FANCC: variants seen among roughly 807,000 people sequenced by gnomAD.
FANCC encodes the protein FA complementation group C.
Under a neutral mutation model 71.3 loss-of-function variants are expected in FANCC, and 55 were observed. The observed-to-expected ratio is 0.77, with a 90% CI of 0.62 to 0.97. The LOEUF (loss-of-function observed/expected upper bound fraction) is 0.97, where lower values mean the gene tolerates loss of function less well. FANCC is among the 50% of genes least tolerant of loss of function. The probability of loss-of-function intolerance (pLI) is 0.00; values close to 1 mark genes in which losing one functional copy is unlikely to be tolerated. For missense variants in FANCC, 678 were observed against 670.9 expected, an observed-to-expected ratio of 1.01 and a Z score of -0.12; for synonymous variants, 275 against 244.9, an observed-to-expected ratio of 1.12 and a Z score of -1.15.
chr9:95,165,304 GT>G (rs1831004046), intron 6 of FANCC, among the ~76,000 whole-genome samples: 1 of 150,588 alleles, frequency 6.6e-6, no homozygotes, highest in African/African-American at 2.4e-5. Flanking sequence ...GGTTTAGTTT[GT>G]TCTTTTTCTA....
intron 1 of FANCC, among the ~76,000 whole-genome samples, chr9:95,257,946 C>G (rs1280226222): frequency 6.6e-6 from 1 of 152,144 alleles, no homozygotes. Flanking sequence ...TGGATAAATT[C>G]CTGGACACAT....
intron 4 of FANCC, among the ~76,000 whole-genome samples, chr9:95,224,851 A>AAG (rs1367724666): frequency 6.6e-6 from 1 of 152,314 alleles, no homozygotes; most frequent in Admixed American, 6.5e-5. Flanking sequence ...TGAACTACAA[A>AAG]AGCCTCCTGA....
chr9:95,221,173 G>A (rs189031368), intron 4 of FANCC, among the ~76,000 whole-genome samples: 18 of 152,012 alleles, frequency 1.2e-4, no homozygotes, highest in African/African-American at 3.9e-4. Flanking sequence ...CTGAGATTGC[G>A]CCACTGCACT....
intron 1 of FANCC, among the ~76,000 whole-genome samples, chr9:95,277,909 A>C (rs1833141741): frequency 1.3e-5 from 2 of 152,212 alleles, no homozygotes; most frequent in Non-Finnish European, 2.9e-5. Flanking sequence ...AAAAAAGTGA[A>C]TTAATACCAG....
intron 8 of FANCC, among the ~76,000 whole-genome samples, chr9:95,129,631 T>G (rs1188422755): frequency 1.3e-5 from 2 of 152,270 alleles, no homozygotes; most frequent in Non-Finnish European, 2.9e-5. Flanking sequence ...CTGTTTGTTT[T>G]TCTCCATCCT....
At chr9:95,235,078 TGTCCA>T (rs1285607107) in intron 4 of FANCC, among the ~76,000 whole-genome samples, 2 of 152,220 alleles carry the variant, frequency 1.3e-5, no homozygotes, top group Non-Finnish European at 2.9e-5. Context: ...CAGGACCTTG[TGTCCA>T]GTCAAGTTGA....
chr9:95,124,070 C>T (rs77734513), intron 10 of FANCC, among the ~76,000 whole-genome samples: 1 of 144,328 alleles, frequency 6.9e-6, no homozygotes, highest in African/African-American at 2.6e-5. Context: ...CATCACTGCA[C>T]TCCAGCCTGG....
At chr9:95,182,438 T>C (rs896238883) in intron 4 of FANCC, among the ~76,000 whole-genome samples, 1 of 152,144 alleles carries the variant, frequency 6.6e-6, no homozygotes, top group Non-Finnish European at 1.5e-5. Flanking sequence ...GAGAATGGCG[T>C]GAACCCAGGA....
chr9:95,167,508 T>C (rs1240628633), intron 6 of FANCC, among the ~76,000 whole-genome samples: 1 of 152,188 alleles, frequency 6.6e-6, no homozygotes, highest in Non-Finnish European at 1.5e-5. Flanking sequence ...TCTTTTTTCT[T>C]TTTGTTTCTC....
intron 4 of FANCC, among the ~76,000 whole-genome samples, chr9:95,203,758 G>T (rs1251104636): frequency 1.3e-5 from 2 of 152,002 alleles, no homozygotes; most frequent in African/African-American, 4.8e-5. Context: ...ATTTTGAGTG[G>T]CACTGTTTTA....
At chr9:95,192,508 G>C (rs1256771782) in intron 4 of FANCC, among the ~76,000 whole-genome samples, 1 of 152,152 alleles carries the variant, frequency 6.6e-6, no homozygotes, top group African/African-American at 2.4e-5. Flanking sequence ...TCAAAGTGAG[G>C]ATATAACATT....
At chr9:95,166,091 T>C (rs1763768382) in intron 6 of FANCC, among the ~76,000 whole-genome samples, 1 of 152,086 alleles carries the variant, frequency 6.6e-6, no homozygotes, top group African/African-American at 2.4e-5. Context: ...TTGCCATTTT[T>C]CCATCTTTTC....
At chr9:95,187,375 G>A (rs1826794274) in intron 4 of FANCC, among the ~76,000 whole-genome samples, 1 of 152,120 alleles carries the variant, frequency 6.6e-6, no homozygotes, top group South Asian at 2.1e-4. Context: ...CTGCCCTCTG[G>A]CTCATCTCCA....
At chr9:95,302,857 T>C (rs1304998641) in intron 1 of FANCC, among the ~76,000 whole-genome samples, 6 of 152,256 alleles carry the variant, frequency 3.9e-5, no homozygotes, top group Admixed American at 3.9e-4. Flanking sequence ...AATAGCATGA[T>C]CACTGCAGAC....
At chr9:95,308,376 C>T (rs145504842) in intron 1 of FANCC, among the ~76,000 whole-genome samples, 2 of 152,056 alleles carry the variant, frequency 1.3e-5, no homozygotes, top group African/African-American at 2.4e-5. Context: ...TGCAACCTCC[C>T]GAGTTCAAGC....
chr9:95,283,396 T>G (rs954033595), intron 1 of FANCC, among the ~76,000 whole-genome samples: 8 of 152,196 alleles, frequency 5.3e-5, no homozygotes, highest in Non-Finnish European at 1.0e-4. Context: ...CTCCAAAACA[T>G]TTAGCCTGCC....
chr9:95,215,196 C>G (rs566639018), intron 4 of FANCC, among the ~76,000 whole-genome samples: 8 of 152,202 alleles, frequency 5.3e-5, no homozygotes, highest in Non-Finnish European at 7.4e-5. Flanking sequence ...GCAGTAATAA[C>G]TAGATAAAAT....
intron 4 of FANCC, among the ~76,000 whole-genome samples, chr9:95,199,164 G>C (rs1699009691): frequency 6.6e-6 from 1 of 152,126 alleles, no homozygotes; most frequent in Admixed American, 6.5e-5. Flanking sequence ...AATGGGTTTA[G>C]ACCTTGCCAT....
chr9:95,149,268 C>A (rs914405834), intron 7 of FANCC, among the ~76,000 whole-genome samples: 3 of 151,734 alleles, frequency 2.0e-5, no homozygotes, highest in African/African-American at 7.3e-5. Context: ...AAGAAGGAAA[C>A]AATAGTCGCT....
Sources: allele counts gnomAD v4.1 joint callset (sites outside exome capture counted in the v4.1 genomes callset), GRCh38; gene constraint gnomAD v4.1.1; transcripts MANE v1.5; gene names NCBI Gene and HGNC (gene_info 2026-07-23, HGNC 2026-07-21).